The following SAMD5 variants were observed in gnomAD, a reference collection of about 807,000 sequenced individuals.
SAMD5 encodes the protein sterile alpha motif domain containing 5.
SAMD5 carries 13 observed loss-of-function variants against 11.3 expected under a neutral mutation model. That is an observed-to-expected ratio of 1.15 (90% CI 0.75 to 1.83). SAMD5 has a LOEUF of 1.83. Ranked by LOEUF, SAMD5 falls within the 40% of genes most tolerant of loss-of-function variation. The probability of loss-of-function intolerance (pLI) is 0.00; values close to 1 mark genes in which losing one functional copy is unlikely to be tolerated. For missense variants in SAMD5, 255 were observed against 239.1 expected, an observed-to-expected ratio of 1.07 and a Z score of -0.44; for synonymous variants, 129 against 111.3, an observed-to-expected ratio of 1.16 and a Z score of -1.00.
the SAMD5 span, among the ~76,000 whole-genome samples, chr6:147,878,345 C>T: frequency 6.6e-6 from 1 of 151,664 alleles, no homozygotes; most frequent in Non-Finnish European, 1.5e-5. Context: ...CGTTTCTGCT[C>T]TATCAAGACA....
the SAMD5 span, among the ~76,000 whole-genome samples, chr6:147,913,376 A>G: frequency 6.6e-6 from 1 of 152,212 alleles, no homozygotes; most frequent in Non-Finnish European, 1.5e-5. Flanking sequence ...GATCAAACAC[A>G]TACATGAGGA....
chr6:147,675,750 A>C lies in SAMD5; in HGVS notation c.163-61567A>C, dbSNP rs182138236. ...TAGATTTTAGGATGTTTTTTGTATAAGGGGAAAATTATAACACCTTCATAG... is the reference window on the plus strand; with the variant it reads ...TAGATTTTAGGATGTTTTTTGTATACGGGGAAAATTATAACACCTTCATAG... On this transcript the variant is annotated intron_variant, in intron 1 of 1. Transcript: ENST00000566741. 5.3e-3 allele frequency among the ~76,000 whole-genome samples: 802 copies of C among 152,290 alleles called. 11 individuals are homozygous for C. Among genetic ancestry groups the C allele is most frequent in the Admixed American group, 6.9e-3 (105 of 15,304 alleles).
chr6:147,739,051 C>T (rs1247690995), downstream of SAMD5, among the ~76,000 whole-genome samples: 5 of 152,088 alleles, frequency 3.3e-5, no homozygotes, highest in African/African-American at 9.7e-5. Flanking sequence ...GTGGTTTCCT[C>T]GGGAGATCAC....
the SAMD5 span, among the ~76,000 whole-genome samples, chr6:147,806,128 C>A: frequency 6.6e-6 from 1 of 152,138 alleles, no homozygotes; most frequent in Admixed American, 6.5e-5. Context: ...ACAAGAAAGA[C>A]AGCTACAGAA....
At chr6:147,916,268 A>C in the SAMD5 span, among the ~76,000 whole-genome samples, 1 of 152,154 alleles carries the variant, frequency 6.6e-6, no homozygotes, top group South Asian at 2.1e-4. Flanking sequence ...GTATATACCC[A>C]GTAATGGGAT....
chr6:147,892,436 T>TA, the SAMD5 span, among the ~76,000 whole-genome samples: 1 of 152,264 alleles, frequency 6.6e-6, no homozygotes, highest in South Asian at 2.1e-4. Context: ...TTTTGGTTTA[T>TA]AAACCAATCC....
chr6:147,841,862 A>G, the SAMD5 span, among the ~76,000 whole-genome samples: 125 of 152,338 alleles, frequency 8.2e-4, no homozygotes, highest in Admixed American at 1.5e-3. Context: ...TTTTTTGGAC[A>G]TCAGTTCAAA....
At chr6:147,736,130 CA>C (rs1791799929) in intron 1 of SAMD5, among the ~76,000 whole-genome samples, 1 of 152,174 alleles carries the variant, frequency 6.6e-6, no homozygotes, top group Non-Finnish European at 1.5e-5. Context: ...AGTGTGACAT[CA>C]GGCAGATTAT....
chr6:147,951,169 T>TTTTCTTTC, the SAMD5 span, among the ~76,000 whole-genome samples: 7 of 147,852 alleles, frequency 4.7e-5, no homozygotes, highest in African/African-American at 7.4e-5. Context: ...TTCTTGTTTC[T>TTTTCTTTC]TTTCTTTCTT....
At chr6:147,632,890 G>A (rs1047261748) in intron 1 of SAMD5, among the ~76,000 whole-genome samples, 7 of 152,138 alleles carry the variant, frequency 4.6e-5, no homozygotes, top group African/African-American at 1.7e-4. Context: ...TAAAATTAAT[G>A]TAAGTCCTTC....
intron 1 of SAMD5, among the ~76,000 whole-genome samples, chr6:147,663,844 T>TA (rs200060938): frequency 0.017 from 2,468 of 142,786 alleles, 137 homozygotes; most frequent in Admixed American, 0.1. Context: ...ATCATCTGAT[T>TA]AAAAAAAAAA....
At position 147,569,587 on chromosome 6, in the gene SAMD5, A is replaced by C; in HGVS notation, c.*5131A>C. 1.0e-6 allele frequency: 1 copy of C among 980,384 alleles called. No individual in the cohort carries two copies. Among genetic ancestry groups the C allele is most frequent in the Non-Finnish European group, 1.2e-6 (1 of 825,286 alleles). The allele number at this position is 980,384 out of a possible 1,614,324, so 60.7% of individuals were successfully genotyped here. A position where few individuals can be genotyped will look rare whatever the true frequency, so the allele number is the denominator to read the frequency against. ...CATTCCAAAAATGAAATGCTGTGTTAAATATCTCCAGGGCAAAGTGGTATG... is the reference window on the plus strand; with the variant it reads ...CATTCCAAAAATGAAATGCTGTGTTCAATATCTCCAGGGCAAAGTGGTATG... On this transcript the variant is annotated 3_prime_UTR_variant, in exon 2 of 2. Transcript: ENST00000367474.
At chr6:147,692,720 T>G (rs1015914809) in intron 1 of SAMD5, among the ~76,000 whole-genome samples, 2 of 152,216 alleles carry the variant, frequency 1.3e-5, no homozygotes, top group African/African-American at 4.8e-5. Context: ...AGTCAATTTT[T>G]AGAGAGGCTG....
intron 1 of SAMD5, among the ~76,000 whole-genome samples, chr6:147,645,230 A>G (rs886167323): frequency 4.6e-5 from 7 of 152,164 alleles, no homozygotes; most frequent in African/African-American, 1.7e-4. Context: ...AGGGATGACA[A>G]TCGCCACTTG....
chr6:147,702,676 T>G (rs1433037318), intron 1 of SAMD5, among the ~76,000 whole-genome samples: 1 of 152,152 alleles, frequency 6.6e-6, no homozygotes, highest in Non-Finnish European at 1.5e-5. Flanking sequence ...ACAAGTTCAG[T>G]TGGGTGCAAG....
intron 1 of SAMD5, among the ~76,000 whole-genome samples, chr6:147,597,261 TATTA>T (rs1789545830): frequency 6.6e-6 from 1 of 152,210 alleles, no homozygotes; most frequent in South Asian, 2.1e-4. Flanking sequence ...TTAATTAATC[TATTA>T]ATTAATCAGT....
At chr6:147,915,254 G>A in the SAMD5 span, among the ~76,000 whole-genome samples, 2 of 152,098 alleles carry the variant, frequency 1.3e-5, no homozygotes, top group Non-Finnish European at 2.9e-5. Context: ...TAAGATGTAC[G>A]TTACACCCTC....
the SAMD5 span, among the ~76,000 whole-genome samples, chr6:147,944,454 T>G: frequency 6.6e-6 from 1 of 152,130 alleles, no homozygotes. Context: ...TTCACTATCA[T>G]GAGAACAGCA....
chr6:147,575,350 C>T (rs1290262515), intron 1 of SAMD5, among the ~76,000 whole-genome samples: 2 of 152,246 alleles, frequency 1.3e-5, no homozygotes, highest in African/African-American at 4.8e-5. Flanking sequence ...AAGCTGTCTG[C>T]AGAAAGTTTT....
Sources: allele counts gnomAD v4.1 joint callset (sites outside exome capture counted in the v4.1 genomes callset), GRCh38; gene constraint gnomAD v4.1.1; transcripts MANE v1.5; gene names NCBI Gene and HGNC (gene_info 2026-07-23, HGNC 2026-07-21).